The following ZFP64 variants were observed in gnomAD, a reference collection of about 807,000 sequenced individuals.
ZFP64 encodes the protein ZFP64 zinc finger protein, also known as zinc finger protein 64.
Under a neutral mutation model 51.6 loss-of-function variants are expected in ZFP64, and 14 were observed. The observed-to-expected ratio is 0.27, with a 90% CI of 0.18 to 0.42. The LOEUF is 0.42. Ranked by LOEUF, ZFP64 falls within the 10% of genes least tolerant of loss-of-function variation. ZFP64 has a pLI of 1.00. For missense variants in ZFP64, 754 were observed against 906.8 expected (o/e 0.83, Z 2.16); for synonymous variants, 375 against 361.4 (o/e 1.04, Z -0.43).
chr20:52,093,146 T>A (rs2078946968), intron 7 of ZFP64, among the ~76,000 whole-genome samples: 1 of 151,612 alleles, frequency 6.6e-6, no homozygotes, highest in African/African-American at 2.4e-5. Context: ...AAAAAAAATT[T>A]TTTTTTTTTT....
chr20:52,099,987 A>G (rs1027976445), intron 5 of ZFP64, among the ~76,000 whole-genome samples: 1 of 152,228 alleles, frequency 6.6e-6, no homozygotes, highest in Non-Finnish European at 1.5e-5. Context: ...AGGTCCCATC[A>G]AGGTCTGAAG....
rs138735091 is a variant in ZFP64 at position 52,167,672 on chromosome 20, G to C, written c.287-1647C>G. Among the ~76,000 whole-genome samples the C allele has an allele frequency of 7.1e-3, 1,078 of 152,012 alleles. 9 individuals are homozygous for C. The highest frequency in any genetic ancestry group is 0.01 in the Non-Finnish European group (708 of 67,980). On this transcript the variant is annotated intron_variant, in intron 2 of 5. Coordinates refer to ENST00000216923, the MANE Select transcript of ZFP64 (RefSeq NM_018197.3). Reference sequence around the variant, plus strand: ...CAAATAAGAAGTAAATATGACCAATGGAGGCTTGTTCATTGGATGAACCTG... The same window carrying C: ...CAAATAAGAAGTAAATATGACCAATCGAGGCTTGTTCATTGGATGAACCTG...
intron 5 of ZFP64, among the ~76,000 whole-genome samples, chr20:52,155,193 A>C (rs1462011266): frequency 6.6e-6 from 1 of 152,244 alleles, no homozygotes; most frequent in African/African-American, 2.4e-5. Flanking sequence ...ATTTCTAAAT[A>C]AAGAAGAGTG....
At chr20:52,095,273 C>A (rs1211187858) in intron 7 of ZFP64, among the ~76,000 whole-genome samples, 3 of 152,154 alleles carry the variant, frequency 2.0e-5, no homozygotes, top group Non-Finnish European at 4.4e-5. Flanking sequence ...TCAGTTCTGG[C>A]CAAACAGATG....
exon 9 of ZFP64, chr20:52,084,179 A>T (rs1568936903): frequency 9.9e-6 from 2 of 202,026 alleles, no homozygotes; most frequent in African/African-American, 4.7e-5. Flanking sequence ...CACTCTAGAG[A>T]TTAGTTTTAG....
downstream of ZFP64, among the ~76,000 whole-genome samples, chr20:52,148,709 A>G (rs1443777196): frequency 6.7e-6 from 1 of 148,906 alleles, no homozygotes; most frequent in Non-Finnish European, 1.5e-5. Flanking sequence ...AAAACAAGAA[A>G]AAAAAAAAAA....
intron 5 of ZFP64, among the ~76,000 whole-genome samples, chr20:52,122,341 C>T (rs1293559524): frequency 2.0e-5 from 3 of 151,946 alleles, no homozygotes; most frequent in African/African-American, 4.8e-5. Flanking sequence ...CCCGTCTCTA[C>T]TAAAAATACA....
At chr20:52,094,821 A>C (rs1012263771) in intron 7 of ZFP64, among the ~76,000 whole-genome samples, 8 of 152,140 alleles carry the variant, frequency 5.3e-5, no homozygotes, top group African/African-American at 1.9e-4. Context: ...TTAAACACAC[A>C]CCTCAGTATT....
chr20:52,106,800 A>C (rs1369431823), intron 5 of ZFP64, among the ~76,000 whole-genome samples: 1 of 152,206 alleles, frequency 6.6e-6, no homozygotes, highest in Non-Finnish European at 1.5e-5. Flanking sequence ...AAGACATTTG[A>C]AAATATATAC....
chr20:52,102,493 C>A (rs749566762), intron 5 of ZFP64, among the ~76,000 whole-genome samples: 8 of 152,142 alleles, frequency 5.3e-5, no homozygotes, highest in Admixed American at 4.6e-4. Context: ...TCATTGGAAC[C>A]CACACTTGCC....
rs34646115 is a variant in ZFP64, at chr20:52,102,107, C to CAAAAAAAAAAAAAAAAAAAAAAAAAAA, written c.764-3521_764-3520insTTTTTTTTTTTTTTTTTTTTTTTTTTT. ...AGCCTGGTGAGAGTAACTCCATCTC[C>CAAAAAAAAAAAAAAAAAAAAAAAAAAA]AAAAAAAAAAAAAAAAAAGGCAGCA... On this transcript the variant is annotated intron_variant, in intron 5 of 8. Coordinates refer to the ZFP64 transcript ENST00000361387. Among the ~76,000 whole-genome samples the CAAAAAAAAAAAAAAAAAAAAAAAAAAA allele has an allele frequency of 1.3e-3, 82 of 63,402 alleles. 6 individuals carry two copies. The highest frequency in any genetic ancestry group is 1.8e-3 in the Non-Finnish European group (60 of 32,666). 41.6% of individuals were successfully genotyped at this position (63,402 alleles called of 152,430 possible).
chr20:52,153,150 ATT>A lies in ZFP64; in HGVS notation c.1040_1041del (p.Glu347ValfsTer52). ...GCCTTGCTGGAGCAGGAGTAGCTGC[ATT>A]CCGAGCACTTCTCAGGATGCTCCGA... The part of the protein sequence containing the change: ...HQSEHPEKCS[E>X]CSYSCSSKAA... On this transcript the variant is annotated frameshift_variant, in exon 6 of 6. Transcript: ENST00000216923. LOFTEE classifies it high-confidence loss of function. This position sits in a 1 kb window ranked among gnomAD's most constrained non-coding sequence, Gnocchi z 5.1. The A allele has an allele frequency of 6.2e-7, 1 of 1,614,236 alleles. No homozygotes were observed. Among genetic ancestry groups the A allele is most frequent in the South Asian group, 1.1e-5 (1 of 91,086 alleles).
At chr20:52,105,360 A>C in intron 5 of ZFP64, 3 of 1,241,474 alleles carry the variant, frequency 2.4e-6, no homozygotes, top group Non-Finnish European at 3.0e-6. Flanking sequence ...TCTGCTCATC[A>C]GCCGAGCAGG....
At chr20:52,179,704 T>C (rs920984250) in intron 2 of ZFP64, among the ~76,000 whole-genome samples, 1 of 152,204 alleles carries the variant, frequency 6.6e-6, no homozygotes, top group African/African-American at 2.4e-5. Context: ...GGGACACCCC[T>C]GTCACTGAAT....
intron 2 of ZFP64, among the ~76,000 whole-genome samples, chr20:52,178,536 C>T (rs984420068): frequency 6.6e-6 from 1 of 152,150 alleles, no homozygotes; most frequent in African/African-American, 2.4e-5. Flanking sequence ...CATAGTTTGT[C>T]TTACTAAATC....
In ZFP64 at chr20:52,153,534, G is replaced by A. The variant is rs1342820462; in HGVS notation, c.764-106C>T. ...CGCTTATACAAGGTGGGTGGGTGCA[G>A]ACCTCCTAACTGCAGCTTCTAGCAG... On this transcript the variant is annotated intron_variant, in intron 5 of 5. Transcript: ENST00000216923. This position sits in a 1 kb window ranked among gnomAD's most constrained non-coding sequence, Gnocchi z 5.1. 6.9e-7 allele frequency: 1 copy of A among 1,449,676 alleles called. No homozygotes were observed. Among genetic ancestry groups the A allele is most frequent in the African/African-American group, 1.4e-5 (1 of 70,568 alleles). The allele number at this position is 1,449,676 out of a possible 1,614,324, so 89.8% of individuals were successfully genotyped here. A position where few individuals can be genotyped will look rare whatever the true frequency, so the allele number is the denominator to read the frequency against.
intron 7 of ZFP64, among the ~76,000 whole-genome samples, chr20:52,095,669 C>T (rs2078980794): frequency 6.6e-6 from 1 of 152,214 alleles, no homozygotes; most frequent in Non-Finnish European, 1.5e-5. Context: ...GACTCAAGAA[C>T]AAGGCCTTAT....
At chr20:52,159,216 C>T (rs1981570484) in intron 5 of ZFP64, among the ~76,000 whole-genome samples, 1 of 152,200 alleles carries the variant, frequency 6.6e-6, no homozygotes. Context: ...GTTACTGCAG[C>T]ATGACTGAAT....
exon 8 of ZFP64, chr20:52,088,402 T>C: frequency 1.2e-6 from 2 of 1,610,992 alleles, no homozygotes; most frequent in Non-Finnish European, 1.7e-6. Context: ...CCGTGTGAGA[T>C]CGCAGGTGGA....
Sources: gnomAD v4.1 joint callset for allele counts (sites outside exome capture counted in the v4.1 genomes callset) on GRCh38, gnomAD v4.1.1 for gene constraint, Gnocchi (gnomAD v3.1) non-coding constraint, MANE v1.5 for transcripts, NCBI Gene and HGNC (gene_info 2026-07-23, HGNC 2026-07-21) for gene names.